Variants in GPC5 observed in about 807,000 individuals in gnomAD.
GPC5 encodes glypican 5, also known as glypican-5.
A neutral mutation model predicts 53.9 loss-of-function variants in GPC5; 47 were observed. The ratio of observed to expected loss-of-function variants is 0.87; its 90% CI spans 0.69 to 1.11. GPC5 has a LOEUF of 1.11. Ranked by LOEUF, GPC5 falls within the 50% of genes most tolerant of loss-of-function variation. The probability of loss-of-function intolerance (pLI) is 0.00; values close to 1 mark genes in which losing one functional copy is unlikely to be tolerated. For missense variants in GPC5, 748 were observed against 713.1 expected (o/e 1.05, Z -0.56); for synonymous variants, 286 against 263.3 (o/e 1.09, Z -0.84).
intron 7 of GPC5, among the ~76,000 whole-genome samples, chr13:92,617,523 TG>T (rs1420885603): frequency 2.0e-5 from 3 of 152,208 alleles, no homozygotes; most frequent in African/African-American, 7.2e-5. Context: ...TAGTTCCATC[TG>T]TAACTAAATT....
intron 7 of GPC5, among the ~76,000 whole-genome samples, chr13:92,851,906 A>C (rs1878820079): frequency 6.6e-6 from 1 of 151,460 alleles, no homozygotes; most frequent in Admixed American, 6.6e-5. Flanking sequence ...AAAAAAAAAA[A>C]AAGAATAGCC....
intron 7 of GPC5, among the ~76,000 whole-genome samples, chr13:92,711,235 C>T (rs1888129064): frequency 6.6e-6 from 1 of 152,168 alleles, no homozygotes; most frequent in Admixed American, 6.5e-5. Flanking sequence ...CATTTTGCCA[C>T]ATGACCCTAC....
chr13:91,992,478 G>C (rs2040466088), intron 6 of GPC5, among the ~76,000 whole-genome samples: 1 of 147,544 alleles, frequency 6.8e-6, no homozygotes, highest in Non-Finnish European at 1.5e-5. Context: ...TTTTTTTTGA[G>C]GTGGAGTCTC....
At chr13:92,129,012 G>A (rs1438813160) in intron 6 of GPC5, among the ~76,000 whole-genome samples, 3 of 152,016 alleles carry the variant, frequency 2.0e-5, no homozygotes, top group Non-Finnish European at 2.9e-5. Context: ...CAAAGCAACT[G>A]GGAGCCAAAC....
chr13:92,229,232 G>A (rs2042511972), intron 7 of GPC5, among the ~76,000 whole-genome samples: 1 of 151,894 alleles, frequency 6.6e-6, no homozygotes, highest in African/African-American at 2.4e-5. Flanking sequence ...AAAAATCATA[G>A]GTCATTATTT....
At chr13:92,361,063 GATGGCTGCCAT>G (rs1443723054) in intron 7 of GPC5, among the ~76,000 whole-genome samples, 17 of 151,826 alleles carry the variant, frequency 1.1e-4, no homozygotes, top group Non-Finnish European at 2.5e-4. Flanking sequence ...AGTTGTAGCA[GATGGCTGCCAT>G]ATGGAAATGC....
At chr13:91,942,636 A>G (rs1004262252) in intron 6 of GPC5, among the ~76,000 whole-genome samples, 1 of 148,422 alleles carries the variant, frequency 6.7e-6, no homozygotes, top group Non-Finnish European at 1.5e-5. Flanking sequence ...AAAAAAGTAG[A>G]GTAGTTGAAA....
At chr13:92,057,189 A>G (rs899253331) in intron 6 of GPC5, among the ~76,000 whole-genome samples, 1 of 152,190 alleles carries the variant, frequency 6.6e-6, no homozygotes, top group African/African-American at 2.4e-5. Context: ...GAAGCCATCT[A>G]CCATGTAAGA....
At chr13:92,319,222 A>G (rs980000004) in intron 7 of GPC5, among the ~76,000 whole-genome samples, 1 of 152,162 alleles carries the variant, frequency 6.6e-6, no homozygotes, top group African/African-American at 2.4e-5. Context: ...TTGAATATGC[A>G]GTTGTTACAG....
intron 7 of GPC5, among the ~76,000 whole-genome samples, chr13:92,482,230 A>G (rs1449262895): frequency 2.6e-5 from 4 of 152,198 alleles, no homozygotes; most frequent in Non-Finnish European, 5.9e-5. Flanking sequence ...TCTTTCAAAA[A>G]TACATTTCAA....
chr13:92,013,962 G>A (rs867463904), intron 6 of GPC5, among the ~76,000 whole-genome samples: 13 of 152,232 alleles, frequency 8.5e-5, no homozygotes, highest in Middle Eastern at 3.4e-3. Context: ...TTAAGTAAGA[G>A]ATCATAGATA....
intron 7 of GPC5, among the ~76,000 whole-genome samples, chr13:92,566,109 TTA>T (rs1882855091): frequency 6.6e-6 from 1 of 152,090 alleles, no homozygotes; most frequent in Non-Finnish European, 1.5e-5. Context: ...TTAGAACATA[TTA>T]TCATTTAATC....
At chr13:92,229,344 T>C (rs1413659545) in intron 7 of GPC5, among the ~76,000 whole-genome samples, 1 of 152,154 alleles carries the variant, frequency 6.6e-6, no homozygotes, top group Non-Finnish European at 1.5e-5. Context: ...ATTTTTAATC[T>C]GTCATAGAAA....
At chr13:92,070,318 C>T (rs1594751820) in intron 6 of GPC5, among the ~76,000 whole-genome samples, 2 of 152,296 alleles carry the variant, frequency 1.3e-5, no homozygotes, top group Middle Eastern at 3.4e-3. Context: ...GGAGTCATTG[C>T]ATTACTACCT....
At chr13:91,817,873 C>T (rs1196269341) in intron 5 of GPC5, among the ~76,000 whole-genome samples, 1 of 151,968 alleles carries the variant, frequency 6.6e-6, no homozygotes, top group Non-Finnish European at 1.5e-5. Flanking sequence ...TTAGCTTTTT[C>T]CTGGTTTATG....
chr13:91,514,392 T>G (rs1885388483), intron 2 of GPC5, among the ~76,000 whole-genome samples: 1 of 152,316 alleles, frequency 6.6e-6, no homozygotes, highest in Middle Eastern at 3.4e-3. Context: ...CCTAATAGGC[T>G]AATGCTGTTG....
chr13:92,445,627 C>T (rs558661900), intron 7 of GPC5, among the ~76,000 whole-genome samples: 1 of 151,324 alleles, frequency 6.6e-6, no homozygotes, highest in East Asian at 2.0e-4. Flanking sequence ...CATCCATGTC[C>T]CTAAAAAGGA....
intron 6 of GPC5, among the ~76,000 whole-genome samples, chr13:91,943,438 T>C (rs1276885312): frequency 6.6e-6 from 1 of 151,916 alleles, no homozygotes; most frequent in Non-Finnish European, 1.5e-5. Flanking sequence ...TTTTAGATCA[T>C]CAGAAGTTGA....
chr13:91,479,547 G>A (rs1318663395), intron 2 of GPC5, among the ~76,000 whole-genome samples: 1 of 152,068 alleles, frequency 6.6e-6, no homozygotes, highest in Non-Finnish European at 1.5e-5. Flanking sequence ...TTAAAGCTTA[G>A]AAATTCCCCA....
Sources: gnomAD v4.1 joint callset for allele counts (sites outside exome capture counted in the v4.1 genomes callset) on GRCh38, gnomAD v4.1.1 for gene constraint, MANE v1.5 for transcripts, NCBI Gene and HGNC (gene_info 2026-07-23, HGNC 2026-07-21) for gene names.